LMNTD1: variants seen among roughly 807,000 people sequenced by gnomAD.
The protein encoded by LMNTD1 is lamin tail domain-containing protein 1.
Under a neutral mutation model 50.9 loss-of-function variants are expected in LMNTD1, and 35 were observed. That is an observed-to-expected ratio of 0.69 (90% CI 0.53 to 0.91). LMNTD1 has a LOEUF of 0.91. Ranked by LOEUF, LMNTD1 falls within the 40% of genes least tolerant of loss-of-function variation. The pLI is 0.00. For missense variants in LMNTD1, 470 were observed against 475.5 expected (o/e 0.99, Z 0.11); for synonymous variants, 153 against 161.9 (o/e 0.94, Z 0.42).
At chr12:25,512,870 G>T (rs1377288281) in intron 8 of LMNTD1, among the ~76,000 whole-genome samples, 1 of 151,726 alleles carries the variant, frequency 6.6e-6, no homozygotes, top group Non-Finnish European at 1.5e-5. Flanking sequence ...TTTATGGGGG[G>T]GGGCTTTAAT....
At chr12:25,480,836 C>T (rs973981842) in intron 9 of LMNTD1, among the ~76,000 whole-genome samples, 1 of 152,204 alleles carries the variant, frequency 6.6e-6, no homozygotes, top group Non-Finnish European at 1.5e-5. Context: ...ACTATTGATC[C>T]ATGTGGGTCA....
At chr12:25,587,885 A>AC (rs1389139141) in intron 1 of LMNTD1, among the ~76,000 whole-genome samples, 7 of 152,226 alleles carry the variant, frequency 4.6e-5, no homozygotes, top group African/African-American at 1.7e-4. Context: ...GAATATCAGT[A>AC]CATTTTTTAA....
Position 25,602,799 on chromosome 12 carries a change from G to GA in LMNTD1, c.58+45694dup, listed in dbSNP as rs559952784. Reference sequence around the variant, plus strand: ...TAAAGGCAGATGGGAAGAGGAGAGGGAAAAAAAAATCAGCTGAAACAAACG... The same window carrying GA: ...TAAAGGCAGATGGGAAGAGGAGAGGGAAAAAAAAAATCAGCTGAAACAAACG... On this transcript the variant is annotated intron_variant, in intron 1 of 7. Coordinates refer to the LMNTD1 transcript ENST00000445693. Among the ~76,000 whole-genome samples, 13 of 150,972 alleles carry GA rather than the reference G, an allele frequency of 8.6e-5. No individual in the cohort carries two copies. In the East Asian group the frequency reaches 1.4e-3, roughly 16 times the overall value.
chr12:25,573,576 C>T (rs1220818665), intron 1 of LMNTD1, among the ~76,000 whole-genome samples: 2 of 152,088 alleles, frequency 1.3e-5, no homozygotes, highest in Non-Finnish European at 2.9e-5. Flanking sequence ...AAAATCATGC[C>T]CAGAAGGGTG....
chr12:25,550,009 T>C (rs1943661053), intron 2 of LMNTD1, among the ~76,000 whole-genome samples: 2 of 152,206 alleles, frequency 1.3e-5, no homozygotes, highest in African/African-American at 2.4e-5. Context: ...GTTTCCTATA[T>C]GCTTTTCCTT....
chr12:25,513,850 C>A (rs1338049068), intron 8 of LMNTD1, among the ~76,000 whole-genome samples: 6 of 152,030 alleles, frequency 3.9e-5, no homozygotes, highest in Middle Eastern at 3.2e-3. Flanking sequence ...GGTGAGAAAT[C>A]TACAAACGAT....
intron 1 of LMNTD1, among the ~76,000 whole-genome samples, chr12:25,594,651 C>CAAAAAAAAAAAAAAAAAA (rs61299586): frequency 4.4e-4 from 31 of 69,902 alleles, no homozygotes; most frequent in East Asian, 2.9e-3. Flanking sequence ...AACAGAAATA[C>CAAAAAAAAAAAAAAAAAA]AAAAAAAAAA....
intron 1 of LMNTD1, among the ~76,000 whole-genome samples, chr12:25,602,726 A>G (rs762960254): frequency 4.6e-5 from 7 of 152,050 alleles, no homozygotes; most frequent in Non-Finnish European, 1.0e-4. Flanking sequence ...AAGCATGTCA[A>G]CTTGTGATAT....
intron 1 of LMNTD1, among the ~76,000 whole-genome samples, chr12:25,622,158 G>A (rs1227458901): frequency 6.6e-6 from 1 of 152,236 alleles, no homozygotes; most frequent in South Asian, 2.1e-4. Flanking sequence ...GAAGGCTGCA[G>A]AGGAACAAGC....
At chr12:25,577,648 C>T (rs1182844109) in intron 1 of LMNTD1, among the ~76,000 whole-genome samples, 1 of 152,134 alleles carries the variant, frequency 6.6e-6, no homozygotes, top group Non-Finnish European at 1.5e-5. Context: ...ATTTGACTTC[C>T]TCTTTTCCTA....
Position 25,629,146 on chromosome 12 carries a change from G to A in LMNTD1, c.58+19348C>T, listed in dbSNP as rs1946659526. ...TAGGAAAAGCGACTCTCTGGGATTC[G>A]AGCCATAACTTGCTCTCCACCTCCA... On this transcript the variant is annotated intron_variant, in intron 1 of 7. Transcript: ENST00000445693. Among the ~76,000 whole-genome samples, 7 of 152,108 alleles carry A rather than the reference G, an allele frequency of 4.6e-5. No homozygotes were observed. In the South Asian group the frequency reaches 1.5e-3, roughly 32 times the overall value.
At chr12:25,643,382 C>T (rs926468947) in intron 1 of LMNTD1, among the ~76,000 whole-genome samples, 3 of 151,888 alleles carry the variant, frequency 2.0e-5, no homozygotes, top group Non-Finnish European at 4.4e-5. Flanking sequence ...GAGAGGAGGC[C>T]AGTGTGCTGA....
chr12:25,535,250 C>A (rs1455268524), intron 4 of LMNTD1, among the ~76,000 whole-genome samples: 1 of 151,840 alleles, frequency 6.6e-6, no homozygotes, highest in Non-Finnish European at 1.5e-5. Context: ...CAATATACAC[C>A]ATCCAAAAAG....
intron 1 of LMNTD1, among the ~76,000 whole-genome samples, chr12:25,640,262 C>A (rs1946925713): frequency 6.6e-6 from 1 of 152,056 alleles, no homozygotes; most frequent in Admixed American, 6.6e-5. Context: ...ATAATCCCAG[C>A]ACTTTGGGAG....
chr12:25,478,602 T>C (rs1165224759), intron 9 of LMNTD1, among the ~76,000 whole-genome samples: 2 of 152,196 alleles, frequency 1.3e-5, no homozygotes, highest in Admixed American at 6.5e-5. Context: ...CTGGCCAACA[T>C]GGTGAAACTC....
intron 9 of LMNTD1, among the ~76,000 whole-genome samples, chr12:25,481,830 G>C (rs554911685): frequency 1.3e-5 from 2 of 148,854 alleles, no homozygotes; most frequent in Non-Finnish European, 3.0e-5. Flanking sequence ...GTTTACTTAC[G>C]TGAGGTCATC....
chr12:25,526,130 C>T lies in LMNTD1; in HGVS notation c.767G>A (p.Cys256Tyr). The T allele has an allele frequency of 1.2e-6, 2 of 1,605,090 alleles. No homozygotes were observed. The highest frequency in any genetic ancestry group is 1.7e-6 in the Non-Finnish European group (2 of 1,175,526). ...GTTCGGTTTGCACAGGATTGTTATACAATCAGGACTTGCTCTAAACTTGTC... is the reference window on the plus strand; with the variant it reads ...GTTCGGTTTGCACAGGATTGTTATATAATCAGGACTTGCTCTAAACTTGTC... The part of the protein sequence containing the change: ...EQDKFRASPD[C>Y]ITILCKPNGQ... The change falls in exon 6 of 10, where the codon TGT (cysteine) becomes TAT (tyrosine). Residue 256 changes from cysteine (C) to tyrosine (Y), a missense_variant. Coordinates refer to ENST00000458174, the MANE Select transcript of LMNTD1 (RefSeq NM_001145728.2).
intron 9 of LMNTD1, among the ~76,000 whole-genome samples, chr12:25,489,322 G>T (rs973507039): frequency 9.3e-5 from 14 of 150,678 alleles, no homozygotes; most frequent in African/African-American, 3.4e-4. Context: ...GTGGGATATA[G>T]TCTGGTGGTG....
chr12:25,582,068 C>T (rs960937968), intron 1 of LMNTD1, among the ~76,000 whole-genome samples: 1 of 152,196 alleles, frequency 6.6e-6, no homozygotes, highest in African/African-American at 2.4e-5. Context: ...TATCATGGGT[C>T]CCACAGCCAA....
Sources: allele counts gnomAD v4.1 joint callset (sites outside exome capture counted in the v4.1 genomes callset), GRCh38; gene constraint gnomAD v4.1.1; transcripts MANE v1.5; gene names NCBI Gene and HGNC (gene_info 2026-07-23, HGNC 2026-07-21).